Variants in SPACA1 observed in about 807,000 individuals in gnomAD.
SPACA1 encodes sperm acrosome membrane-associated protein 1.
SPACA1 carries 17 observed loss-of-function variants against 32.6 expected under a neutral mutation model. That is an observed-to-expected ratio of 0.52 (90% CI 0.36 to 0.78). SPACA1 has a LOEUF of 0.78. SPACA1 is among the 30% of genes least tolerant of loss of function. The pLI is 0.01. For synonymous variants in SPACA1, 140 were observed against 138.1 expected, an observed-to-expected ratio of 1.01 and a Z score of -0.10; for missense variants, 363 against 373.4, an observed-to-expected ratio of 0.97 and a Z score of 0.23.
intron 6 of SPACA1, among the ~76,000 whole-genome samples, chr6:88,064,990 T>C (rs986976011): frequency 6.7e-6 from 1 of 148,792 alleles, no homozygotes; most frequent in African/African-American, 2.4e-5. Context: ...TATTATTTTG[T>C]TTGTGATGCA....
At position 88,048,004 on chromosome 6, in the gene SPACA1, C is replaced by G; in HGVS notation, c.99C>G (p.Thr33=). The change falls in exon 1 of 7, where the codon ACC becomes ACG. Residue 33 remains threonine (T), a synonymous_variant. Coordinates refer to ENST00000237201, the MANE Select transcript of SPACA1 (RefSeq NM_030960.3). ...AGTCCGCGCGCGGGACCAACGTCAC[C>G]GCTGCCGTCCAGGATGCCGGCCTGG... ...GLQSARGTNV[T]AAVQDAGLAH... is the part of the protein sequence containing the mutation. The G allele has an allele frequency of 6.3e-7, 1 of 1,585,968 alleles. No homozygotes were observed. The highest frequency in any genetic ancestry group is 8.6e-7 in the Non-Finnish European group (1 of 1,168,332).
intron 6 of SPACA1, 111 bp downstream of exon 6, chr6:88,064,330 G>C: frequency 8.9e-7 from 1 of 1,123,912 alleles, no homozygotes; most frequent in South Asian, 1.8e-5. Context: ...ATGTTGCCTT[G>C]AAACTGTCCA....
chr6:88,057,840 A>C, intron 3 of SPACA1, 127 bp downstream of exon 3: 1 of 684,792 alleles, frequency 1.5e-6, no homozygotes. Context: ...AAATCATAAA[A>C]TTTTAAATTC....
At chr6:88,047,725 C>T (rs1302073763), upstream of SPACA1, 4 of 641,232 alleles carry the variant, frequency 6.2e-6, no homozygotes, top group Non-Finnish European at 1.0e-5. Flanking sequence ...AGCCTAGCTC[C>T]GCGCGAGTTC....
At chr6:88,058,007 G>T (rs1332421724) in intron 3 of SPACA1, among the ~76,000 whole-genome samples, 1 of 152,132 alleles carries the variant, frequency 6.6e-6, no homozygotes, top group Non-Finnish European at 1.5e-5. Flanking sequence ...AAATGCTTTT[G>T]ATGCTTTGGT....
chr6:88,048,260 C>A, intron 1 of SPACA1, 147 bp downstream of exon 1: 1 of 827,478 alleles, frequency 1.2e-6, no homozygotes, highest in South Asian at 1.9e-5. Context: ...CCCTTTCTTG[C>A]ATCCTGTGGC....
At chr6:88,061,711 A>G (rs1775900172) in intron 5 of SPACA1, among the ~76,000 whole-genome samples, 1 of 138,284 alleles carries the variant, frequency 7.2e-6, no homozygotes, top group African/African-American at 2.7e-5. Context: ...CTGCGAGACA[A>G]TACATTTCTG....
At chr6:88,053,218 G>A (rs980210501) in intron 1 of SPACA1, among the ~76,000 whole-genome samples, 4 of 152,136 alleles carry the variant, frequency 2.6e-5, no homozygotes, top group Admixed American at 6.5e-5. Context: ...TTGTCCTAGG[G>A]TACAATGCCT....
At position 88,058,668 on chromosome 6, in the gene SPACA1, A is replaced by G. The variant is rs764340820; in HGVS notation, c.368-48A>G. On this transcript the variant is annotated intron_variant, in intron 3 of 6. Coordinates refer to ENST00000237201, the MANE Select transcript of SPACA1 (RefSeq NM_030960.3). Reference sequence around the variant, plus strand: ...AAAAAAAAAGTAATTTCGTGTATAAAGCAATTTATAATGCCCAATGGTATT... The same window carrying G: ...AAAAAAAAAGTAATTTCGTGTATAAGGCAATTTATAATGCCCAATGGTATT... 23 of 1,353,806 alleles carry G rather than the reference A, an allele frequency of 1.7e-5. No homozygotes were observed. In the Admixed American group the frequency reaches 3.9e-4, roughly 23 times the overall value. 83.9% of individuals were successfully genotyped at this position (1,353,806 alleles called of 1,614,324 possible). A position where few individuals can be genotyped will look rare whatever the true frequency, so the allele number is the denominator to read the frequency against.
At position 88,066,213 on chromosome 6, in the gene SPACA1, G is replaced by A. The variant is rs773392857; in HGVS notation, c.763G>A (p.Ala255Thr). 8 of 1,601,890 alleles carry A rather than the reference G, an allele frequency of 5.0e-6. No individual in the cohort carries two copies. In the South Asian group the frequency reaches 7.9e-5, roughly 16 times the overall value. Residue 255 changes from alanine to threonine, a missense_variant, in exon 7 of 7, where the codon GCC (alanine) becomes ACC (threonine). By Grantham distance (58) the Ala-to-Thr change is moderately conservative. Transcript: ENST00000237201. ...AGTCAAGGCTTTCTGGGGGGCAAAAGCCTCTACACCTGAGGTACAATCCGA... is the reference window on the plus strand; with the variant it reads ...AGTCAAGGCTTTCTGGGGGGCAAAAACCTCTACACCTGAGGTACAATCCGA... ...AAVKAFWGAKASTPEVQSEQS... is the reference protein window; with the variant it reads ...AAVKAFWGAKTSTPEVQSEQS...
At chr6:88,050,790 GA>G (rs1413772007) in intron 1 of SPACA1, among the ~76,000 whole-genome samples, 1 of 152,138 alleles carries the variant, frequency 6.6e-6, no homozygotes, top group African/African-American at 2.4e-5. Context: ...TGAAAATAAT[GA>G]GCAATACCAT....
intron 2 of SPACA1, 33 bp from the exon 3 acceptor site, chr6:88,057,579 T>G (rs1013544111): frequency 6.6e-7 from 1 of 1,516,654 alleles, no homozygotes; most frequent in African/African-American, 1.4e-5. Context: ...AGTTTTTTTC[T>G]TAACATTTGC....
chr6:88,061,879 G>A (rs916354801), intron 5 of SPACA1, among the ~76,000 whole-genome samples: 1 of 151,978 alleles, frequency 6.6e-6, no homozygotes, highest in African/African-American at 2.4e-5. Context: ...TTCATTACCT[G>A]TAAAAATAGT....
In SPACA1 at chr6:88,047,981, T is replaced by A; in HGVS notation, c.76T>A (p.Ser26Thr). 6.4e-7 allele frequency: 1 copy of A among 1,567,620 alleles called. No homozygotes were observed. The highest frequency in any genetic ancestry group is 1.2e-5 in the South Asian group (1 of 85,126). ...CTGGCTGCTTCTGGCGGGCCTCCAG[T>A]CCGCGCGCGGGACCAACGTCACCGC... is the stretch of plus-strand genomic sequence containing the variant. ...VGWLLLAGLQSARGTNVTAAV... is the reference protein window; with the variant it reads ...VGWLLLAGLQTARGTNVTAAV... The change falls in exon 1 of 7, where the codon TCC (serine) becomes ACC (threonine). Residue 26 changes from serine to threonine, a missense_variant. Coordinates refer to ENST00000237201, the MANE Select transcript of SPACA1 (RefSeq NM_030960.3).
At chr6:88,058,516 G>A (rs1359126510) in intron 3 of SPACA1, among the ~76,000 whole-genome samples, 200 bp from the exon 4 acceptor site, 1 of 152,168 alleles carries the variant, frequency 6.6e-6, no homozygotes, top group Non-Finnish European at 1.5e-5. Flanking sequence ...GCATGTGCAT[G>A]TAGTCCCAGC....
At chr6:88,064,670 T>A (rs1185817765) in intron 6 of SPACA1, among the ~76,000 whole-genome samples, 1 of 151,138 alleles carries the variant, frequency 6.6e-6, no homozygotes, top group Admixed American at 6.6e-5. Context: ...CATCGCAAAC[T>A]AAAAATGAAT....
At chr6:88,057,537 C>G in intron 2 of SPACA1, 75 bp from the exon 3 acceptor site, 2 of 945,886 alleles carry the variant, frequency 2.1e-6, no homozygotes, top group Non-Finnish European at 3.4e-6. Flanking sequence ...TAAGAAAAGA[C>G]CTAGGTGGGA....
chr6:88,063,052 T>A (rs1775919896), intron 5 of SPACA1, among the ~76,000 whole-genome samples: 1 of 152,096 alleles, frequency 6.6e-6, no homozygotes, highest in Non-Finnish European at 1.5e-5. Context: ...TTCAGCTCAT[T>A]AACAAAAATC....
chr6:88,052,112 A>G (rs1437933934), intron 1 of SPACA1, among the ~76,000 whole-genome samples: 1 of 152,210 alleles, frequency 6.6e-6, no homozygotes, highest in African/African-American at 2.4e-5. Context: ...CTGACCCACC[A>G]TTGTAGGATT....
Sources: allele counts gnomAD v4.1 joint callset (sites outside exome capture counted in the v4.1 genomes callset), GRCh38; gene constraint gnomAD v4.1.1; transcripts MANE v1.5; gene names NCBI Gene and HGNC (gene_info 2026-07-23, HGNC 2026-07-21).